The following CPEB1 variants were observed in gnomAD, a reference collection of about 807,000 sequenced individuals.
CPEB1 encodes cytoplasmic polyadenylation element-binding protein 1.
A neutral mutation model predicts 65.8 loss-of-function variants in CPEB1; 7 were observed. That is an observed-to-expected ratio of 0.11 (90% CI 0.06 to 0.20). The LOEUF is 0.20. Ranked by LOEUF, CPEB1 falls within the 10% of genes least tolerant of loss-of-function variation. The probability of loss-of-function intolerance (pLI) is 1.00; values close to 1 mark genes in which losing one functional copy is unlikely to be tolerated. For synonymous variants in CPEB1, 262 were observed against 260.0 expected, an observed-to-expected ratio of 1.01 and a Z score of -0.08; for missense variants, 551 against 712.2, an observed-to-expected ratio of 0.77 and a Z score of 2.58.
intron 1 of CPEB1, among the ~76,000 whole-genome samples, chr15:82,633,663 G>C (rs1055542438): frequency 6.6e-6 from 1 of 152,210 alleles, no homozygotes; most frequent in Non-Finnish European, 1.5e-5. Context: ...ATGAGCCACA[G>C]TGCCTGGCCC....
chr15:82,570,113 T>A (rs933581353), intron 4 of CPEB1, among the ~76,000 whole-genome samples: 12 of 152,064 alleles, frequency 7.9e-5, no homozygotes, highest in African/African-American at 2.9e-4. Flanking sequence ...CCCATCCACA[T>A]CCACATAAAA....
chr15:82,617,302 T>C (rs1016810769), intron 3 of CPEB1, among the ~76,000 whole-genome samples: 6 of 152,258 alleles, frequency 3.9e-5, no homozygotes, highest in African/African-American at 1.4e-4. Context: ...CATCTATTGA[T>C]GGACATCTGG....
chr15:82,646,629 G>A (rs1007588666), intron 1 of CPEB1, among the ~76,000 whole-genome samples: 1 of 152,058 alleles, frequency 6.6e-6, no homozygotes, highest in Non-Finnish European at 1.5e-5. Flanking sequence ...CCACGAAAGC[G>A]CCCAAGAGCC....
intron 1 of CPEB1, among the ~76,000 whole-genome samples, chr15:82,637,016 C>A (rs1596141395): frequency 6.6e-6 from 1 of 152,208 alleles, no homozygotes; most frequent in African/African-American, 2.4e-5. Flanking sequence ...TGTCTCAGAG[C>A]TGTTCTTGGA....
intron 3 of CPEB1, among the ~76,000 whole-genome samples, chr15:82,603,359 A>AT (rs1356549494): frequency 7.2e-6 from 1 of 138,366 alleles, no homozygotes; most frequent in Non-Finnish European, 1.6e-5. Context: ...GGGAAAGTTT[A>AT]TTTAAAAAAA....
At chr15:82,577,922 C>T (rs1040685902) in intron 3 of CPEB1, among the ~76,000 whole-genome samples, 27 of 151,914 alleles carry the variant, frequency 1.8e-4, no homozygotes, top group African/African-American at 3.9e-4. Context: ...AGGTGGATCA[C>T]GAGGTCAGGA....
chr15:82,606,333 A>G (rs2043588517), intron 3 of CPEB1, among the ~76,000 whole-genome samples: 1 of 151,832 alleles, frequency 6.6e-6, no homozygotes, highest in South Asian at 2.1e-4. Context: ...TTAGCCGGGC[A>G]TGGTGATGGG....
intron 3 of CPEB1, among the ~76,000 whole-genome samples, chr15:82,586,800 T>G (rs560517416): frequency 6.6e-6 from 1 of 152,326 alleles, no homozygotes; most frequent in Non-Finnish European, 1.5e-5. Context: ...CAGGTGTGAA[T>G]TCAAGACGAT....
intron 4 of CPEB1, among the ~76,000 whole-genome samples, chr15:82,568,588 G>A (rs1427887672): frequency 1.3e-5 from 2 of 152,310 alleles, no homozygotes; most frequent in South Asian, 2.1e-4. Flanking sequence ...AGGACTCTGA[G>A]GCCAAGGAAA....
At chr15:82,622,091 T>C (rs2045353463) in intron 3 of CPEB1, among the ~76,000 whole-genome samples, 1 of 152,174 alleles carries the variant, frequency 6.6e-6, no homozygotes, top group South Asian at 2.1e-4. Context: ...CATGTCCATT[T>C]GCAGCCCATT....
intron 3 of CPEB1, among the ~76,000 whole-genome samples, chr15:82,596,782 CAAG>C (rs1333130894): frequency 3.3e-5 from 5 of 151,024 alleles, no homozygotes; most frequent in African/African-American, 9.7e-5. Flanking sequence ...GTTTACATGG[CAAG>C]AAGAGGATAT....
At chr15:82,580,098 G>A (rs1261748859) in intron 3 of CPEB1, among the ~76,000 whole-genome samples, 1 of 151,654 alleles carries the variant, frequency 6.6e-6, no homozygotes, top group African/African-American at 2.4e-5. Context: ...AAGGCAGGCG[G>A]ATAATGAGGT....
intron 4 of CPEB1, 98 bp from the exon 5 acceptor site, chr15:82,558,084 G>A: frequency 2.5e-6 from 2 of 793,784 alleles, no homozygotes; most frequent in Non-Finnish European, 4.0e-6. Context: ...AGATACCAAA[G>A]GCAAGACAAC....
rs200180986 is a variant in CPEB1 at position 82,552,566 on chromosome 15, G to C, written c.1195C>G (p.Gln399Glu). The C allele has an allele frequency of 8.5e-5, 137 of 1,613,654 alleles. No homozygotes were observed. Among genetic ancestry groups the C allele is most frequent in the Non-Finnish European group, 1.1e-4 (134 of 1,179,854 alleles). The change falls in exon 9 of 13, where the codon CAG becomes GAG. Residue 399 changes from glutamine to glutamate, a missense_variant. Gln to Glu is a conservative substitution (Grantham distance 29, BLOSUM62 2). Coordinates refer to ENST00000684509, the MANE Select transcript of CPEB1 (RefSeq NM_001365242.1). ...CTCAGCGGGTCATGAGAGCAAGCCT[G>C]AAGCAAGGATCGGACAGACTTCTCT... ...ELEKSVRSLL[Q>E]ACSHDPLSPD...
chr15:82,560,114 T>C (rs951630284), intron 4 of CPEB1, among the ~76,000 whole-genome samples: 1 of 152,036 alleles, frequency 6.6e-6, no homozygotes, highest in Non-Finnish European at 1.5e-5. Flanking sequence ...TCCTGCCTGA[T>C]AGAAATCCAA....
chr15:82,575,286 C>G (rs1304893067), intron 3 of CPEB1, among the ~76,000 whole-genome samples: 3 of 152,156 alleles, frequency 2.0e-5, no homozygotes. Flanking sequence ...GGAATAAACT[C>G]TGACCTATAT....
chr15:82,593,004 G>T (rs28803597), intron 3 of CPEB1, among the ~76,000 whole-genome samples: 1 of 151,988 alleles, frequency 6.6e-6, no homozygotes, highest in South Asian at 2.1e-4. Context: ...CTCAAAAAAA[G>T]AAAAAAGAAA....
At chr15:82,641,909 T>C (rs1334907919) in intron 1 of CPEB1, among the ~76,000 whole-genome samples, 1 of 152,198 alleles carries the variant, frequency 6.6e-6, no homozygotes, top group Non-Finnish European at 1.5e-5. Context: ...TCCCTAACAT[T>C]GGGCTTTAAA....
chr15:82,605,653 C>A (rs2043513857), intron 3 of CPEB1, among the ~76,000 whole-genome samples: 1 of 152,200 alleles, frequency 6.6e-6, no homozygotes, highest in African/African-American at 2.4e-5. Flanking sequence ...CCATAAAGTT[C>A]TCATTTGTCA....
Sources: allele counts gnomAD v4.1 joint callset (sites outside exome capture counted in the v4.1 genomes callset), GRCh38; gene constraint gnomAD v4.1.1; transcripts MANE v1.5; gene names NCBI Gene and HGNC (gene_info 2026-07-23, HGNC 2026-07-21).